Variants in MACROD2 observed in about 807,000 individuals in gnomAD.
The protein encoded by MACROD2 is mono-ADP ribosylhydrolase 2.
Under a neutral mutation model 70.4 loss-of-function variants are expected in MACROD2, and 36 were observed. The ratio of observed to expected loss-of-function variants is 0.51; its 90% CI spans 0.39 to 0.68. The LOEUF (loss-of-function observed/expected upper bound fraction) is 0.68. MACROD2 is among the 30% of genes least tolerant of loss of function. MACROD2 has a pLI of 0.00. For missense variants in MACROD2, 496 were observed against 538.4 expected (o/e 0.92, Z 0.78); for synonymous variants, 172 against 178.8 (o/e 0.96, Z 0.30).
chr20:16,017,900 G>A (rs2066950209), intron 15 of MACROD2, among the ~76,000 whole-genome samples: 1 of 152,138 alleles, frequency 6.6e-6, no homozygotes, highest in South Asian at 2.1e-4. Flanking sequence ...GTGCTGAAAT[G>A]ATATATTTGT....
intron 16 of MACROD2, among the ~76,000 whole-genome samples, chr20:16,043,712 C>T (rs1051795885): frequency 6.6e-6 from 1 of 152,082 alleles, no homozygotes; most frequent in Non-Finnish European, 1.5e-5. Context: ...ACTGCCACTA[C>T]AGCAGCCGTC....
intron 3 of MACROD2, among the ~76,000 whole-genome samples, chr20:14,087,996 C>T (rs1440163960): frequency 1.3e-5 from 2 of 151,878 alleles, no homozygotes; most frequent in Non-Finnish European, 2.9e-5. Flanking sequence ...TATATATACA[C>T]ACATATGTAT....
intron 6 of MACROD2, among the ~76,000 whole-genome samples, chr20:15,318,385 A>T (rs2077837513): frequency 3.3e-5 from 5 of 152,110 alleles, no homozygotes; most frequent in African/African-American, 1.2e-4. Flanking sequence ...TTACTGGTGA[A>T]TCTACTCAAC....
At chr20:15,477,104 T>TG (rs1459836870) in intron 7 of MACROD2, among the ~76,000 whole-genome samples, 7 of 146,846 alleles carry the variant, frequency 4.8e-5, no homozygotes, top group Admixed American at 4.1e-4. Context: ...TTTTAGTTTT[T>TG]TTTTTTTTTT....
chr20:15,105,928 C>A (rs974083753), intron 5 of MACROD2, among the ~76,000 whole-genome samples: 9 of 152,232 alleles, frequency 5.9e-5, no homozygotes, highest in Admixed American at 2.0e-4. Flanking sequence ...CTGTACATTT[C>A]AGTATCACTA....
intron 2 of MACROD2, among the ~76,000 whole-genome samples, chr20:14,079,202 C>T (rs1040599108): frequency 6.6e-6 from 1 of 152,188 alleles, no homozygotes; most frequent in Non-Finnish European, 1.5e-5. Context: ...TTCAACAAAA[C>T]TGATTGTCTC....
intron 3 of MACROD2, among the ~76,000 whole-genome samples, chr20:14,305,064 C>T (rs2082508460): frequency 6.6e-6 from 1 of 152,000 alleles, no homozygotes; most frequent in Admixed American, 6.6e-5. Context: ...AGGGTGGGAC[C>T]CAGGAATTAG....
intron 5 of MACROD2, among the ~76,000 whole-genome samples, chr20:15,163,386 A>G (rs2076361720): frequency 6.6e-6 from 1 of 152,046 alleles, no homozygotes; most frequent in Non-Finnish European, 1.5e-5. Flanking sequence ...ACAATCAAAG[A>G]TTGATATGAC....
At chr20:14,284,825 GGA>G (rs555576699) in intron 3 of MACROD2, among the ~76,000 whole-genome samples, 141 of 152,130 alleles carry the variant, frequency 9.3e-4, no homozygotes, top group African/African-American at 3.2e-3. Context: ...GGTTTATTTT[GGA>G]GAGTTCACAC....
intron 8 of MACROD2, among the ~76,000 whole-genome samples, chr20:15,787,769 G>C (rs1214377046): frequency 6.6e-6 from 1 of 151,970 alleles, no homozygotes; most frequent in African/African-American, 2.4e-5. Context: ...TTTGTGCTAT[G>C]GAAATGTTAT....
chr20:15,501,920 C>G (rs147511385), intron 8 of MACROD2, among the ~76,000 whole-genome samples: 2 of 152,126 alleles, frequency 1.3e-5, no homozygotes, highest in African/African-American at 4.8e-5. Flanking sequence ...GTTTTCTCTT[C>G]ATTGCAGTAT....
intron 7 of MACROD2, among the ~76,000 whole-genome samples, chr20:15,456,558 T>C (rs1448758475): frequency 7.9e-6 from 1 of 127,136 alleles, no homozygotes; most frequent in Admixed American, 8.5e-5. Context: ...AATTAAGTGC[T>C]TCTGGTGTGA....
intron 3 of MACROD2, among the ~76,000 whole-genome samples, chr20:14,469,179 G>A (rs1482056900): frequency 6.6e-6 from 1 of 151,242 alleles, no homozygotes; most frequent in African/African-American, 2.5e-5. Flanking sequence ...TTTCTCCTTT[G>A]CTTATGAACC....
chr20:15,495,788 G>T (rs2047289428), intron 7 of MACROD2, among the ~76,000 whole-genome samples: 1 of 152,226 alleles, frequency 6.6e-6, no homozygotes, highest in Admixed American at 6.5e-5. Context: ...ACTGTGATGG[G>T]TCTGTGAGGT....
intron 8 of MACROD2, among the ~76,000 whole-genome samples, chr20:15,638,762 A>G (rs2049408658): frequency 1.3e-5 from 2 of 152,230 alleles, no homozygotes; most frequent in African/African-American, 4.8e-5. Context: ...AGAGAAGAGC[A>G]TGCTGACTGG....
intron 3 of MACROD2, among the ~76,000 whole-genome samples, chr20:14,448,541 G>T (rs962186257): frequency 6.6e-6 from 1 of 151,936 alleles, no homozygotes; most frequent in Admixed American, 6.6e-5. Flanking sequence ...GCCAGGCATG[G>T]TGGTGCATGC....
chr20:14,527,439 G>A (rs2085247519), intron 4 of MACROD2, among the ~76,000 whole-genome samples: 1 of 152,004 alleles, frequency 6.6e-6, no homozygotes, highest in South Asian at 2.1e-4. Context: ...ATCATTTAAA[G>A]GGACCACTCT....
chr20:14,127,482 TG>T, intron 3 of MACROD2: 1 of 493,004 alleles, frequency 2.0e-6, no homozygotes, highest in Non-Finnish European at 3.7e-6. Context: ...GAGGCAGAGG[TG>T]GGTCAAATCA....
intron 3 of MACROD2, among the ~76,000 whole-genome samples, chr20:14,453,496 C>T (rs1725435174): frequency 6.6e-6 from 1 of 152,090 alleles, no homozygotes; most frequent in Non-Finnish European, 1.5e-5. Context: ...TCTGTCTTTG[C>T]ATTCCTAACC....
Sources: allele counts gnomAD v4.1 joint callset (sites outside exome capture counted in the v4.1 genomes callset), GRCh38; gene constraint gnomAD v4.1.1; transcripts MANE v1.5; gene names NCBI Gene and HGNC (gene_info 2026-07-23, HGNC 2026-07-21).